DCLK1: variants seen among roughly 807,000 people sequenced by gnomAD.
DCLK1 encodes doublecortin like kinase 1, also known as serine/threonine-protein kinase DCLK1.
Under a neutral mutation model 86.2 loss-of-function variants are expected in DCLK1, and 16 were observed. That is an observed-to-expected ratio of 0.19 (90% CI 0.13 to 0.28). The LOEUF is 0.28. Among genes scored for constraint, DCLK1 ranks in the 10% least tolerant of loss-of-function variants. The pLI is 1.00. For synonymous variants in DCLK1, 369 were observed against 370.5 expected (o/e 1.00, Z 0.05); for missense variants, 590 against 940.2 (o/e 0.63, Z 4.87).
intron 5 of DCLK1, 70 bp downstream of exon 5, chr13:35,871,154 T>C: frequency 7.6e-7 from 1 of 1,308,176 alleles, no homozygotes; most frequent in Non-Finnish European, 1.1e-6. Flanking sequence ...CACTCTAGGC[T>C]TCACACACCC....
At position 35,889,956 on chromosome 13, in the gene DCLK1, C is replaced by T. The variant is rs150336351; in HGVS notation, c.824-18616G>A. Among the ~76,000 whole-genome samples the T allele has an allele frequency of 3.1e-3, 475 of 152,192 alleles. 5 individuals are homozygous for T. Among genetic ancestry groups the T allele is most frequent in the African/African-American group, 0.011 (449 of 41,532 alleles). On this transcript the variant is annotated intron_variant, in intron 4 of 16. Transcript: ENST00000360631. ...GTAGATTATAAAACAGTATAGTGTG[C>T]ACATTGTATGCAAAGAAACATTTTT... is the stretch of plus-strand genomic sequence containing the variant.
chr13:35,890,802 T>G (rs1055109255), intron 4 of DCLK1, among the ~76,000 whole-genome samples: 1 of 151,990 alleles, frequency 6.6e-6, no homozygotes, highest in Non-Finnish European at 1.5e-5. Flanking sequence ...AATTGAAAAC[T>G]TTTTCCATAT....
At chr13:35,873,477 C>T (rs901671235) in intron 4 of DCLK1, among the ~76,000 whole-genome samples, 10 of 151,664 alleles carry the variant, frequency 6.6e-5, no homozygotes, top group Admixed American at 6.6e-5. Flanking sequence ...CTCCACCTCC[C>T]GAGTTCAAGA....
rs2086490810 is a variant in DCLK1, at chr13:35,779,801, C to T, written c.2059-5102G>A. 2.0e-5 allele frequency among the ~76,000 whole-genome samples: 3 copies of T among 152,050 alleles called. No homozygotes were observed. The South Asian group carries it at 6.2e-4, about 31-fold the overall frequency. Reference sequence around the variant, plus strand: ...ATGTATGATGTTTAGAAGTTTGTGGCTACAAAATTAACTTGACTCTAAAAT... The same window carrying T: ...ATGTATGATGTTTAGAAGTTTGTGGTTACAAAATTAACTTGACTCTAAAAT... On this transcript the variant is annotated intron_variant, in intron 16 of 16. Transcript: ENST00000360631.
chr13:35,865,887 T>G (rs1871752987), intron 5 of DCLK1, among the ~76,000 whole-genome samples: 1 of 152,224 alleles, frequency 6.6e-6, no homozygotes, highest in Non-Finnish European at 1.5e-5. Context: ...ATTCACCTCC[T>G]GGAACGCTGG....
intron 11 of DCLK1, among the ~76,000 whole-genome samples, chr13:35,813,604 G>T (rs1210323225): frequency 6.6e-6 from 1 of 151,828 alleles, no homozygotes; most frequent in South Asian, 2.1e-4. Flanking sequence ...AATACAAAAT[G>T]ATTATTAAAA....
intron 5 of DCLK1, among the ~76,000 whole-genome samples, chr13:35,868,092 C>T (rs1272609232): frequency 3.4e-5 from 5 of 149,136 alleles, no homozygotes; most frequent in Admixed American, 6.7e-5. Flanking sequence ...GCACCATCTC[C>T]GCTCACTGCA....
At chr13:35,965,526 T>C (rs983046150) in intron 3 of DCLK1, among the ~76,000 whole-genome samples, 3 of 152,248 alleles carry the variant, frequency 2.0e-5, no homozygotes, top group Non-Finnish European at 4.4e-5. Context: ...TTTACTTTTT[T>C]AAGGATCTCA....
intron 4 of DCLK1, among the ~76,000 whole-genome samples, chr13:35,935,539 C>T (rs1876707373): frequency 6.6e-6 from 1 of 152,194 alleles, no homozygotes; most frequent in Non-Finnish European, 1.5e-5. Context: ...AATGCTGATG[C>T]CATGAGCTCA....
At chr13:35,839,392 G>A (rs1205574225) in intron 6 of DCLK1, among the ~76,000 whole-genome samples, 1 of 152,150 alleles carries the variant, frequency 6.6e-6, no homozygotes, top group African/African-American at 2.4e-5. Flanking sequence ...ACAGGATCAA[G>A]CTGGTTATTG....
At chr13:36,052,827 G>A (rs1883174376) in intron 3 of DCLK1, among the ~76,000 whole-genome samples, 1 of 152,132 alleles carries the variant, frequency 6.6e-6, no homozygotes, top group African/African-American at 2.4e-5. Context: ...TAGCCTGTAG[G>A]AGAGACGTCT....
intron 3 of DCLK1, among the ~76,000 whole-genome samples, chr13:35,957,978 C>T (rs895757526): frequency 5.4e-5 from 8 of 149,176 alleles, no homozygotes; most frequent in Non-Finnish European, 3.0e-5. Context: ...ACCATCACTG[C>T]TATAACCACC....
intron 3 of DCLK1, among the ~76,000 whole-genome samples, chr13:35,949,825 G>GTTTTTTTTTTT (rs34920645): frequency 7.7e-6 from 1 of 130,704 alleles, no homozygotes. Flanking sequence ...ATCTTGGGCA[G>GTTTTTTTTTTT]TTTTTTTTTT....
At chr13:35,802,478 C>A (rs1263956352) in intron 15 of DCLK1, among the ~76,000 whole-genome samples, 1 of 152,080 alleles carries the variant, frequency 6.6e-6, no homozygotes, top group Non-Finnish European at 1.5e-5. Flanking sequence ...TTCTCCAGAG[C>A]TAATATGCAA....
rs1555359541 is a variant in DCLK1 at position 36,056,906 on chromosome 13, A to AT, written c.723+54962_723+54963insA. 5.5e-3 allele frequency among the ~76,000 whole-genome samples: 710 copies of AT among 130,142 alleles called. 5 individuals carry two copies. Among genetic ancestry groups the AT allele is most frequent in the Non-Finnish European group, 5.8e-3 (361 of 62,322 alleles). 85.4% of individuals were successfully genotyped at this position (130,142 alleles called of 152,430 possible). ...GCAAGACTGTGACAAAAAAAAAAAA[A>AT]ATATATATATATATATATATACACA... On this transcript the variant is annotated intron_variant, in intron 3 of 16. Transcript: ENST00000360631.
At chr13:35,970,744 A>G (rs772362470) in intron 3 of DCLK1, among the ~76,000 whole-genome samples, 1 of 152,210 alleles carries the variant, frequency 6.6e-6, no homozygotes, top group Non-Finnish European at 1.5e-5. Flanking sequence ...ACAAATTTCT[A>G]TTCTTTATAA....
At chr13:35,819,578 A>G (rs1874978121) in intron 11 of DCLK1, among the ~76,000 whole-genome samples, 1 of 152,172 alleles carries the variant, frequency 6.6e-6, no homozygotes, top group African/African-American at 2.4e-5. Flanking sequence ...GGGTTTTATA[A>G]GCCTTTTAAT....
intron 6 of DCLK1, chr13:35,849,638 T>G (rs1344748531): frequency 1.0e-6 from 1 of 981,436 alleles, no homozygotes; most frequent in Non-Finnish European, 1.2e-6. Context: ...AAGAGCAGAA[T>G]TAGTAGGTTA....
intron 4 of DCLK1, among the ~76,000 whole-genome samples, chr13:35,874,140 C>T (rs1186280138): frequency 1.3e-5 from 2 of 152,154 alleles, no homozygotes; most frequent in Non-Finnish European, 2.9e-5. Context: ...AGATCTCATT[C>T]TGATGCCTGA....
Sources: allele counts gnomAD v4.1 joint callset (sites outside exome capture counted in the v4.1 genomes callset), GRCh38; gene constraint gnomAD v4.1.1; transcripts MANE v1.5; gene names NCBI Gene and HGNC (gene_info 2026-07-23, HGNC 2026-07-21).